Variants in NAP1L1 observed in about 807,000 individuals in gnomAD.
The protein encoded by NAP1L1 is nucleosome assembly protein 1-like 1.
In NAP1L1, 9 loss-of-function variants were observed where a neutral mutation model predicts 58.9. That is an observed-to-expected ratio of 0.15 (90% CI 0.09 to 0.27). The LOEUF (loss-of-function observed/expected upper bound fraction) is 0.27, where lower values mean the gene tolerates loss of function less well. Among genes scored for constraint, NAP1L1 ranks in the 10% least tolerant of loss-of-function variants. NAP1L1 has a pLI of 1.00. For synonymous variants in NAP1L1, 130 were observed against 138.3 expected (o/e 0.94, Z 0.42); for missense variants, 302 against 458.8 (o/e 0.66, Z 3.12).
chr12:76,048,884 G>C (rs1432498836), intron 14 of NAP1L1: 3 of 426,726 alleles, frequency 7.0e-6, no homozygotes, highest in South Asian at 7.1e-5. Flanking sequence ...CCTACAACCA[G>C]ATCTTTTAAA....
In NAP1L1 at chr12:76,040,941, T is replaced by C. The variant is rs1365757248; in HGVS notation, c.*7488A>G. Reference sequence around the variant, plus strand: ...TAATACACATAACATACAAAGTGTGTGTTAAATGACTTATTGGTAAAGTTT... The same window carrying C: ...TAATACACATAACATACAAAGTGTGCGTTAAATGACTTATTGGTAAAGTTT... On this transcript the variant is annotated 3_prime_UTR_variant, in exon 15 of 15. Coordinates refer to ENST00000618691, the MANE Select transcript of NAP1L1 (RefSeq NM_004537.7). 2 of 152,236 alleles carry C rather than the reference T, an allele frequency of 1.3e-5. No individual in the cohort carries two copies. The highest frequency in any genetic ancestry group is 1.3e-4 in the Admixed American group (2 of 15,286). The allele number at this position is 152,236 out of a possible 1,614,324, so 9.4% of individuals were successfully genotyped here. A position where few individuals can be genotyped will look rare whatever the true frequency, so the allele number is the denominator to read the frequency against.
At chr12:76,054,061 G>T in intron 8 of NAP1L1, 152 bp from the exon 9 acceptor site, 3 of 971,724 alleles carry the variant, frequency 3.1e-6, no homozygotes, top group Non-Finnish European at 4.4e-6. Flanking sequence ...ACTGAGTCTT[G>T]CATTGTTGCC....
intron 1 of NAP1L1, among the ~76,000 whole-genome samples, chr12:76,080,068 T>C (rs1372256922): frequency 2.0e-5 from 3 of 152,202 alleles, no homozygotes; most frequent in Non-Finnish European, 4.4e-5. Flanking sequence ...ACTGAACTAA[T>C]TGGATACATA....
At chr12:76,071,158 C>T (rs1353085664) in intron 2 of NAP1L1, among the ~76,000 whole-genome samples, 1 of 152,160 alleles carries the variant, frequency 6.6e-6, no homozygotes, top group Non-Finnish European at 1.5e-5. Context: ...AACCCACAGA[C>T]ACAGAGGGCC....
chr12:76,056,136 A>T lies in NAP1L1; in HGVS notation c.455T>A (p.Ile152Asn), dbSNP rs746028914. ...ISEELKEKAK[I>N]EDEKKDEEKE... ...TTCTTCATCTTTTTTCTCATCTTCA[A>T]TCTTGGCCTTTTCTTTCAATTCCTC... is the stretch of plus-strand genomic sequence containing the variant. The change falls in exon 7 of 15, where the codon ATT (isoleucine) becomes AAT (asparagine). Residue 152 changes from isoleucine to asparagine, a missense_variant. Coordinates refer to ENST00000618691, the MANE Select transcript of NAP1L1 (RefSeq NM_004537.7). 4 of 1,612,048 alleles carry T rather than the reference A, an allele frequency of 2.5e-6. No individual in the cohort carries two copies. The highest frequency in any genetic ancestry group is 3.4e-6 in the Non-Finnish European group (4 of 1,179,196).
chr12:76,047,956 A>AC lies in NAP1L1; in HGVS notation c.*472_*473insG, dbSNP rs1948654165. On this transcript the variant is annotated 3_prime_UTR_variant, in exon 15 of 15. Transcript: ENST00000618691. ...TCTTAACCATATAGTTGTCTTGCCA[A>AC]TTTTTTTTTTAAACAATAAATTGTC... 6.6e-6 allele frequency: 1 copy of AC among 152,554 alleles called. No individual in the cohort carries two copies. The highest frequency in any genetic ancestry group is 6.6e-5 in the Admixed American group (1 of 15,214). 9.5% of individuals were successfully genotyped at this position (152,554 alleles called of 1,614,324 possible).
At position 76,042,786 on chromosome 12, in the gene NAP1L1, T is replaced by C. The variant is rs1948562196; in HGVS notation, c.*5643A>G. On this transcript the variant is annotated 3_prime_UTR_variant, in exon 15 of 15. Coordinates refer to ENST00000618691, the MANE Select transcript of NAP1L1 (RefSeq NM_004537.7). Reference sequence around the variant, plus strand: ...TTAAGTTTCTAAGTAATACTCCCTATTCTAAGAAGCCAGCAATCCTTGGAG... The same window carrying C: ...TTAAGTTTCTAAGTAATACTCCCTACTCTAAGAAGCCAGCAATCCTTGGAG... 1 of 152,170 alleles carries C rather than the reference T, an allele frequency of 6.6e-6. No individual in the cohort carries two copies. The highest frequency in any genetic ancestry group is 6.5e-5 in the Admixed American group (1 of 15,280). The allele number at this position is 152,170 out of a possible 1,614,324, so 9.4% of individuals were successfully genotyped here.
At chr12:76,069,872 T>C (rs1397270348) in intron 2 of NAP1L1, among the ~76,000 whole-genome samples, 1 of 152,124 alleles carries the variant, frequency 6.6e-6, no homozygotes, top group Non-Finnish European at 1.5e-5. Flanking sequence ...TGAGATTACA[T>C]CTAGCATTAG....
intron 1 of NAP1L1, among the ~76,000 whole-genome samples, chr12:76,079,096 TA>T (rs1389626822): frequency 1.3e-5 from 2 of 151,680 alleles, no homozygotes; most frequent in Non-Finnish European, 2.9e-5. Context: ...ACAAAAAAGG[TA>T]GATTAACTTC....
Position 76,047,516 on chromosome 12 carries a change from T to C in NAP1L1, c.*913A>G, listed in dbSNP as rs960229120. The C allele has an allele frequency of 6.6e-6, 1 of 151,400 alleles. No homozygotes were observed. Among genetic ancestry groups the C allele is most frequent in the African/African-American group, 2.4e-5 (1 of 41,252 alleles). 9.4% of individuals were successfully genotyped at this position (151,400 alleles called of 1,614,324 possible). ...CTTCAACAATGTGTTAAAAACTGAG[T>C]ATAACCCTTAATTCAAGGTAGGCCT... On this transcript the variant is annotated 3_prime_UTR_variant, in exon 15 of 15. Coordinates refer to ENST00000618691, the MANE Select transcript of NAP1L1 (RefSeq NM_004537.7).
At chr12:76,075,885 C>A (rs1376890213) in intron 1 of NAP1L1, among the ~76,000 whole-genome samples, 1 of 152,126 alleles carries the variant, frequency 6.6e-6, no homozygotes, top group Non-Finnish European at 1.5e-5. Context: ...CCATCTCAGC[C>A]AGGCACCATG....
At position 76,060,124 on chromosome 12, in the gene NAP1L1, G is replaced by T. The variant is rs370305392; in HGVS notation, c.348+14C>A. On this transcript the variant is annotated intron_variant, in intron 5 of 14. Coordinates refer to ENST00000618691, the MANE Select transcript of NAP1L1 (RefSeq NM_004537.7). The stretch of plus-strand genomic sequence containing the variant: ...CTAGAATGTTAAATTAAACAAAGTA[G>T]GAGAAAGCATTACCTTATCAAATAG... 2 of 1,598,284 alleles carry T rather than the reference G, an allele frequency of 1.3e-6. No homozygotes were observed. Among genetic ancestry groups the T allele is most frequent in the Non-Finnish European group, 1.7e-6 (2 of 1,177,032 alleles).
At chr12:76,056,417 C>T (rs1375805303) in intron 6 of NAP1L1, 1 of 384,004 alleles carries the variant, frequency 2.6e-6, no homozygotes, top group Non-Finnish European at 4.8e-6. Flanking sequence ...AATGTAAAAA[C>T]TAATTAAAAA....
intron 6 of NAP1L1, chr12:76,059,510 A>T (rs1463418493): frequency 1.9e-4 from 60 of 314,348 alleles, no homozygotes; most frequent in Non-Finnish European, 4.0e-5. Context: ...ACTTTAAGTC[A>T]GGTGCTGCAA....
chr12:76,081,232 G>GT (rs1950395053), intron 1 of NAP1L1, among the ~76,000 whole-genome samples: 1 of 152,140 alleles, frequency 6.6e-6, no homozygotes, highest in African/African-American at 2.4e-5. Context: ...GCTCACGTAC[G>GT]TAACCACGGA....
At chr12:76,077,186 T>C (rs1443842829) in intron 1 of NAP1L1, among the ~76,000 whole-genome samples, 1 of 152,348 alleles carries the variant, frequency 6.6e-6, no homozygotes, top group South Asian at 2.1e-4. Flanking sequence ...TTTAAATTCT[T>C]AAAATGAAAC....
At chr12:76,052,946 A>G in intron 11 of NAP1L1, 145 bp downstream of exon 11, 1 of 625,490 alleles carries the variant, frequency 1.6e-6, no homozygotes, top group Non-Finnish European at 2.6e-6. Flanking sequence ...GAATGGAATT[A>G]TTTTTCATAT....
chr12:76,053,495 T>A, intron 9 of NAP1L1, 145 bp from the exon 10 acceptor site: 1 of 983,614 alleles, frequency 1.0e-6, no homozygotes, highest in Non-Finnish European at 1.5e-6. Context: ...AGGGAAAAAT[T>A]TTATTTCTAA....
intron 6 of NAP1L1, among the ~76,000 whole-genome samples, chr12:76,059,214 A>T (rs1198687608): frequency 6.6e-6 from 1 of 152,252 alleles, no homozygotes; most frequent in Non-Finnish European, 1.5e-5. Context: ...TGTGGTATGC[A>T]TATGTTTAAA....
Sources: allele counts gnomAD v4.1 joint callset (sites outside exome capture counted in the v4.1 genomes callset), GRCh38; gene constraint gnomAD v4.1.1; transcripts MANE v1.5; gene names NCBI Gene and HGNC (gene_info 2026-07-23, HGNC 2026-07-21).